MGAM: variants seen among roughly 807,000 people sequenced by gnomAD.
MGAM encodes alpha-1,4-glucosidase.
Under a neutral mutation model 358.8 loss-of-function variants are expected in MGAM, and 253 were observed. The observed-to-expected ratio is 0.71, with a 90% CI of 0.64 to 0.78. The LOEUF is 0.78. Among genes scored for constraint, MGAM ranks in the 30% least tolerant of loss-of-function variants. The pLI is 0.00. For synonymous variants in MGAM, 1,105 were observed against 1,227.1 expected (o/e 0.90, Z 2.08); for missense variants, 3,080 against 3,432.6 (o/e 0.90, Z 2.57).
chr7:142,091,651 G>T (rs1043880800), intron 57 of MGAM, among the ~76,000 whole-genome samples: 6 of 146,136 alleles, frequency 4.1e-5, no homozygotes, highest in African/African-American at 1.5e-4. Flanking sequence ...CACTAGTTCG[G>T]GTCATTGATT....
chr7:142,070,749 A>C (rs913420532), intron 43 of MGAM, among the ~76,000 whole-genome samples: 1 of 146,328 alleles, frequency 6.8e-6, no homozygotes, highest in African/African-American at 2.4e-5. Flanking sequence ...TCTTCCTGTT[A>C]CACATCAGGC....
chr7:142,094,873 T>C lies in MGAM; in HGVS notation c.7458+10T>C, dbSNP rs1815752912. ...CACCATTGGGACCAGGGTAGGACAG[T>C]GGCCCCTACCTCCAGTGTTTCACTT... On this transcript the variant is annotated intron_variant, in intron 63 of 70. Transcript: ENST00000475668. 1 of 1,612,114 alleles carries C rather than the reference T, an allele frequency of 6.2e-7. No individual in the cohort carries two copies. Among genetic ancestry groups the C allele is most frequent in the Non-Finnish European group, 8.5e-7 (1 of 1,178,544 alleles).
Position 142,021,669 on chromosome 7 carries a change from C to T in MGAM, c.642C>T (p.Thr214=), listed in dbSNP as rs781884581. The part of the protein sequence containing the change: ...SFSGNAAASL[T]YQVEISRQPF... ...GTGGAAATGCTGCTGCTTCTTTGAC[C>T]TACCAAGTTGAAATCTCCAGACAGC... The change falls in exon 6 of 71, where the codon ACC becomes ACT. Residue 214 remains threonine, a synonymous_variant. Transcript: ENST00000475668. 4 of 1,613,944 alleles carry T rather than the reference C, an allele frequency of 2.5e-6. No homozygotes were observed. Among genetic ancestry groups the T allele is most frequent in the East Asian group, 4.5e-5 (2 of 44,868 alleles).
At chr7:141,994,213 C>T (rs927375104), upstream of MGAM, among the ~76,000 whole-genome samples, 2 of 152,312 alleles carry the variant, frequency 1.3e-5, no homozygotes, top group South Asian at 2.1e-4. Context: ...AAGCATGTCT[C>T]AGCTCCATAA....
intron 21 of MGAM, among the ~76,000 whole-genome samples, chr7:142,041,914 T>TAC (rs1808662640): frequency 5.1e-4 from 12 of 23,356 alleles, no homozygotes; most frequent in African/African-American, 3.0e-3. Context: ...ATTATATATA[T>TAC]ACGTATAATA....
intron 54 of MGAM, 97 bp from the exon 55 acceptor site, chr7:142,085,736 C>A: frequency 7.2e-7 from 1 of 1,394,696 alleles, no homozygotes; most frequent in Non-Finnish European, 9.7e-7. Flanking sequence ...CAACAAGAAG[C>A]TATCTGGAAT....
chr7:142,020,611 T>G (rs1806355299), intron 4 of MGAM, among the ~76,000 whole-genome samples: 1 of 147,128 alleles, frequency 6.8e-6, no homozygotes, highest in African/African-American at 2.5e-5. Context: ...ATATTTTTTT[T>G]TTTTTTTTGA....
At chr7:142,053,374 G>C (rs1289553520) in intron 26 of MGAM, among the ~76,000 whole-genome samples, 3 of 152,054 alleles carry the variant, frequency 2.0e-5, no homozygotes, top group African/African-American at 4.8e-5. Context: ...GGTGACAATG[G>C]AGATGGAACA....
At chr7:142,041,661 C>A (rs1005893699) in intron 21 of MGAM, among the ~76,000 whole-genome samples, 3 of 151,104 alleles carry the variant, frequency 2.0e-5, no homozygotes, top group East Asian at 2.0e-4. Flanking sequence ...TACATACAGA[C>A]CAGTCATGCC....
intron 21 of MGAM, among the ~76,000 whole-genome samples, chr7:142,044,095 G>GTATAATACATTATATACACATACGACA (rs2129018373): frequency 1.5e-5 from 2 of 130,026 alleles, no homozygotes; most frequent in South Asian, 4.7e-4. Context: ...CACATACGAC[G>GTATAATACATTATATACACATACGACA]TATAATATAT....
chr7:142,030,866 T>G, intron 12 of MGAM, 109 bp downstream of exon 12: 1 of 724,892 alleles, frequency 1.4e-6, no homozygotes, highest in Non-Finnish European at 2.4e-6. Context: ...TTGTACATTT[T>G]CAGTATATTT....
intron 58 of MGAM, 142 bp from the exon 59 acceptor site, chr7:142,092,379 C>T: frequency 1.1e-6 from 1 of 924,364 alleles, no homozygotes. Flanking sequence ...CCAGTTCTCA[C>T]CAGGATTTGA....
intron 21 of MGAM, 42 bp from the exon 22 acceptor site, chr7:142,047,743 C>A (rs1375392529): frequency 6.4e-7 from 1 of 1,564,032 alleles, no homozygotes; most frequent in African/African-American, 1.4e-5. Flanking sequence ...TGGCAAAATT[C>A]TCTGACTCCT....
chr7:142,050,962 G>A (rs768455844), intron 24 of MGAM, 98 bp downstream of exon 24: 44 of 1,521,880 alleles, frequency 2.9e-5, no homozygotes, highest in Non-Finnish European at 3.7e-5. Context: ...AAGGACCAGG[G>A]CACCTTTGAG....
At chr7:141,995,670 G>C (rs989757648), upstream of MGAM, among the ~76,000 whole-genome samples, 1 of 152,166 alleles carries the variant, frequency 6.6e-6, no homozygotes, top group African/African-American at 2.4e-5. Flanking sequence ...GGGATGGAGT[G>C]GGTCATGGGA....
At chr7:142,095,818 G>A in intron 64 of MGAM, 105 bp downstream of exon 64, 1 of 1,511,572 alleles carries the variant, frequency 6.6e-7, no homozygotes, top group Non-Finnish European at 9.0e-7. Context: ...CTTTTGACAT[G>A]AGCTCTTCAG....
At chr7:142,012,861 C>T (rs1024935480) in intron 3 of MGAM, among the ~76,000 whole-genome samples, 6 of 152,120 alleles carry the variant, frequency 3.9e-5, no homozygotes, top group East Asian at 1.9e-4. Flanking sequence ...CATGTAGTCA[C>T]GGAGTCTCTC....
At chr7:142,020,068 C>CAAA (rs10601773) in intron 4 of MGAM, among the ~76,000 whole-genome samples, 1 of 136,630 alleles carries the variant, frequency 7.3e-6, no homozygotes, top group Non-Finnish European at 1.6e-5. Flanking sequence ...GACTCCGTCT[C>CAAA]AAAAAAAAAA....
rs898115922 is a variant in MGAM at position 142,066,445 on chromosome 7, G to T, written c.4771-128G>T. ...TCCGGTCTATTAAGAATATTCTCTG[G>T]GCCTCATGTATAGTTTTCTTTTGTT... On this transcript the variant is annotated intron_variant, in intron 40 of 70. Transcript: ENST00000475668. 3.6e-6 allele frequency: 4 copies of T among 1,099,854 alleles called. No homozygotes were observed. In the African/African-American group the frequency reaches 6.1e-5, roughly 17 times the overall value. 68.1% of individuals were successfully genotyped at this position (1,099,854 alleles called of 1,614,324 possible). A position where few individuals can be genotyped will look rare whatever the true frequency, so the allele number is the denominator to read the frequency against.
Sources: allele counts gnomAD v4.1 joint callset (sites outside exome capture counted in the v4.1 genomes callset), GRCh38; gene constraint gnomAD v4.1.1; transcripts MANE v1.5; gene names NCBI Gene and HGNC (gene_info 2026-07-23, HGNC 2026-07-21).